MYT1L: variants seen among roughly 807,000 people sequenced by gnomAD.
MYT1L encodes the protein myelin transcription factor 1-like protein.
A neutral mutation model predicts 126.7 loss-of-function variants in MYT1L; 12 were observed. That is an observed-to-expected ratio of 0.09 (90% CI 0.06 to 0.15). The LOEUF (loss-of-function observed/expected upper bound fraction) is 0.15, where lower values mean the gene tolerates loss of function less well. Ranked by LOEUF, MYT1L falls within the 10% of genes least tolerant of loss-of-function variation. The pLI is 1.00. For synonymous variants in MYT1L, 541 were observed against 604.2 expected, an observed-to-expected ratio of 0.90 and a Z score of 1.53; for missense variants, 979 against 1,585.2, an observed-to-expected ratio of 0.62 and a Z score of 6.49.
At chr2:2,136,294 T>C (rs1004474458) in intron 3 of MYT1L, among the ~76,000 whole-genome samples, 2 of 152,218 alleles carry the variant, frequency 1.3e-5, no homozygotes, top group African/African-American at 4.8e-5. Flanking sequence ...AGCATACAGA[T>C]GCCTTTGTGG....
chr2:1,876,807 TG>T (rs776750144), intron 18 of MYT1L, among the ~76,000 whole-genome samples: 1 of 152,226 alleles, frequency 6.6e-6, no homozygotes, highest in Non-Finnish European at 1.5e-5. Flanking sequence ...CTGATGCCTA[TG>T]CAGCTCTGCT....
At chr2:2,218,006 A>G (rs1311642679) in intron 2 of MYT1L, among the ~76,000 whole-genome samples, 2 of 152,224 alleles carry the variant, frequency 1.3e-5, no homozygotes, top group African/African-American at 2.4e-5. Flanking sequence ...AATGCCAACT[A>G]AAACCACAAC....
chr2:2,022,703 G>GAA (rs112786973), intron 4 of MYT1L, among the ~76,000 whole-genome samples: 2 of 134,890 alleles, frequency 1.5e-5, no homozygotes, highest in African/African-American at 2.7e-5. Flanking sequence ...TTCCTGCTCT[G>GAA]AAAAAAAAAA....
At chr2:2,276,957 C>CTAACTTCCGA in intron 2 of MYT1L, among the ~76,000 whole-genome samples, 1 of 147,932 alleles carries the variant, frequency 6.8e-6, no homozygotes, top group East Asian at 2.1e-4. Context: ...ACTTCACCTG[C>CTAACTTCCGA]TAACTTCCGA....
At chr2:1,883,651 T>C (rs910502426) in intron 18 of MYT1L, among the ~76,000 whole-genome samples, 12 of 152,146 alleles carry the variant, frequency 7.9e-5, no homozygotes, top group Non-Finnish European at 1.5e-4. Flanking sequence ...GGTCGACTCC[T>C]AGAAAGGGCA....
chr2:1,949,562 T>C (rs1558505837), intron 8 of MYT1L, among the ~76,000 whole-genome samples: 2 of 152,252 alleles, frequency 1.3e-5, no homozygotes, highest in African/African-American at 2.4e-5. Context: ...CTCATACACA[T>C]ACAACATTAT....
At chr2:1,829,995 G>C (rs1477514399) in intron 21 of MYT1L, among the ~76,000 whole-genome samples, 1 of 152,222 alleles carries the variant, frequency 6.6e-6, no homozygotes, top group Non-Finnish European at 1.5e-5. Flanking sequence ...GGAGCTGTGT[G>C]TGCAGCGCCG....
intron 21 of MYT1L, among the ~76,000 whole-genome samples, chr2:1,814,313 G>A (rs1375973186): frequency 6.6e-6 from 1 of 152,180 alleles, no homozygotes; most frequent in Non-Finnish European, 1.5e-5. Context: ...GCACCAGGAG[G>A]CCCTCCAGGC....
At position 1,910,116 on chromosome 2, in the gene MYT1L, G is replaced by T; in HGVS notation, c.1817+124C>A. On this transcript the variant is annotated intron_variant, in intron 13 of 24. Coordinates refer to ENST00000647738, the MANE Select transcript of MYT1L (RefSeq NM_001303052.2). This position sits in a 1 kb window ranked among gnomAD's most constrained non-coding sequence, Gnocchi z 4.8. The stretch of plus-strand genomic sequence containing the variant: ...GGTCCTGGCCCCGGCTTCCAGCACA[G>T]CCCCGCCCTCCAGTCCCTGCCCCTG... 1.1e-6 allele frequency: 1 copy of T among 871,888 alleles called. No individual in the cohort carries two copies. Among genetic ancestry groups the T allele is most frequent in the Non-Finnish European group, 1.8e-6 (1 of 561,342 alleles). 54.0% of individuals were successfully genotyped at this position (871,888 alleles called of 1,614,324 possible).
rs2031829171 is a variant in MYT1L at position 1,790,262 on chromosome 2, C to CA, written c.*1604dup. The CA allele has an allele frequency of 1.3e-5, 2 of 151,822 alleles. No individual in the cohort carries two copies. Among genetic ancestry groups the CA allele is most frequent in the African/African-American group, 2.4e-5 (1 of 41,318 alleles). The allele number at this position is 151,822 out of a possible 1,614,324, so 9.4% of individuals were successfully genotyped here. A position where few individuals can be genotyped will look rare whatever the true frequency, so the allele number is the denominator to read the frequency against. Reference sequence around the variant, plus strand: ...AACCCATCTTTTTTTTATTTCATAACAAAAATTTAAAGTACGTCTGTACTT... The same window carrying CA: ...AACCCATCTTTTTTTTATTTCATAACAAAAAATTTAAAGTACGTCTGTACTT... On this transcript the variant is annotated 3_prime_UTR_variant, in exon 25 of 25. Coordinates refer to ENST00000647738, the MANE Select transcript of MYT1L (RefSeq NM_001303052.2).
chr2:2,190,178 C>G (rs529072513), intron 2 of MYT1L, among the ~76,000 whole-genome samples: 17 of 151,442 alleles, frequency 1.1e-4, no homozygotes, highest in African/African-American at 3.9e-4. Flanking sequence ...GGAAGAAGGA[C>G]GGGCACAGTG....
At chr2:2,047,745 T>C (rs917702808) in intron 4 of MYT1L, among the ~76,000 whole-genome samples, 19 of 152,256 alleles carry the variant, frequency 1.2e-4, no homozygotes, top group Admixed American at 1.1e-3. Flanking sequence ...TTAAATAGGA[T>C]ATGCTTCTCC....
intron 4 of MYT1L, among the ~76,000 whole-genome samples, chr2:2,005,830 T>C (rs1258146256): frequency 3.3e-5 from 5 of 149,696 alleles, no homozygotes; most frequent in Non-Finnish European, 7.4e-5. Context: ...CTTTCCTGCA[T>C]GCCTTCTTTC....
intron 4 of MYT1L, among the ~76,000 whole-genome samples, chr2:2,010,739 G>C (rs1007987461): frequency 6.6e-6 from 1 of 152,106 alleles, no homozygotes; most frequent in Non-Finnish European, 1.5e-5. Flanking sequence ...AACAAAGTAG[G>C]AGGGCAAACA....
At chr2:1,877,738 CA>C (rs1277386342) in intron 18 of MYT1L, among the ~76,000 whole-genome samples, 1 of 151,512 alleles carries the variant, frequency 6.6e-6, no homozygotes, top group Non-Finnish European at 1.5e-5. Context: ...TGCTTGCTCT[CA>C]GTTGGCTCTG....
At chr2:1,800,220 G>C (rs1320144418) in intron 23 of MYT1L, 1 of 152,272 alleles carries the variant, frequency 6.6e-6, no homozygotes, top group East Asian at 1.9e-4. Flanking sequence ...TACAGTCCAA[G>C]ATGCTGCCTC....
At chr2:2,199,857 C>T (rs1012864697) in intron 2 of MYT1L, among the ~76,000 whole-genome samples, 6 of 152,146 alleles carry the variant, frequency 3.9e-5, no homozygotes, top group Admixed American at 6.5e-5. Context: ...GTACCCCTCA[C>T]GGAGGCAGGC....
intron 8 of MYT1L, among the ~76,000 whole-genome samples, chr2:1,972,373 T>C (rs1308949753): frequency 1.3e-5 from 2 of 152,236 alleles, no homozygotes; most frequent in Non-Finnish European, 2.9e-5. Context: ...TGCAATTATT[T>C]TTAGGATATT....
intron 5 of MYT1L, among the ~76,000 whole-genome samples, chr2:1,991,428 T>C (rs1405635259): frequency 2.0e-5 from 3 of 152,114 alleles, no homozygotes; most frequent in Admixed American, 6.6e-5. Context: ...CCTGAGACTC[T>C]GGGATTACAG....
Sources: gnomAD v4.1 joint callset for allele counts (sites outside exome capture counted in the v4.1 genomes callset) on GRCh38, gnomAD v4.1.1 for gene constraint, Gnocchi (gnomAD v3.1) non-coding constraint, MANE v1.5 for transcripts, NCBI Gene and HGNC (gene_info 2026-07-23, HGNC 2026-07-21) for gene names.